Variants in FERMT2 observed in about 807,000 individuals in gnomAD.
FERMT2 encodes fermitin family homolog 2.
In FERMT2, 15 loss-of-function variants were observed where a neutral mutation model predicts 82.7. The observed-to-expected ratio is 0.18, with a 90% CI of 0.12 to 0.28. The LOEUF (loss-of-function observed/expected upper bound fraction) is 0.28, where lower values mean the gene tolerates loss of function less well. FERMT2 is among the 10% of genes least tolerant of loss of function. The pLI is 1.00. For synonymous variants in FERMT2, 274 were observed against 271.5 expected (o/e 1.01, Z -0.09); for missense variants, 645 against 809.4 (o/e 0.80, Z 2.46).
chr14:52,896,739 C>T (rs1327374011), intron 3 of FERMT2, among the ~76,000 whole-genome samples: 2 of 152,096 alleles, frequency 1.3e-5, no homozygotes, highest in Non-Finnish European at 2.9e-5. Context: ...CCTGTAATCC[C>T]AGGACTTTGG....
chr14:52,938,279 C>G (rs1889938704), intron 2 of FERMT2, among the ~76,000 whole-genome samples: 1 of 152,132 alleles, frequency 6.6e-6, no homozygotes, highest in African/African-American at 2.4e-5. Flanking sequence ...GAAAACAAAG[C>G]AATCAGAATA....
chr14:52,895,411 A>C (rs2139555922), intron 3 of FERMT2, among the ~76,000 whole-genome samples: 1 of 152,332 alleles, frequency 6.6e-6, no homozygotes, highest in Non-Finnish European at 1.5e-5. Flanking sequence ...TAAAAGCCAA[A>C]ACTGAAAATA....
At chr14:52,942,936 G>A (rs1202972787) in intron 2 of FERMT2, among the ~76,000 whole-genome samples, 1 of 152,160 alleles carries the variant, frequency 6.6e-6, no homozygotes, top group African/African-American at 2.4e-5. Flanking sequence ...CTCTTGGCCA[G>A]GCGTGGTGGC....
intron 3 of FERMT2, among the ~76,000 whole-genome samples, chr14:52,912,115 T>G (rs550189609): frequency 1.6e-4 from 25 of 152,158 alleles, no homozygotes; most frequent in African/African-American, 5.8e-4. Flanking sequence ...TTCACACATG[T>G]CAAGTACTTG....
intron 2 of FERMT2, among the ~76,000 whole-genome samples, chr14:52,921,866 T>C (rs1156385074): frequency 6.6e-6 from 1 of 152,206 alleles, no homozygotes; most frequent in Non-Finnish European, 1.5e-5. Flanking sequence ...CACTCTGGTC[T>C]CAAGCTTTCA....
intron 3 of FERMT2, among the ~76,000 whole-genome samples, chr14:52,902,414 AG>A (rs1392212016): frequency 1.7e-5 from 2 of 118,686 alleles, no homozygotes; most frequent in African/African-American, 5.6e-5. Context: ...CAAAAAAAAA[AG>A]AGAGAGAGAG....
intron 3 of FERMT2, among the ~76,000 whole-genome samples, chr14:52,914,283 C>A (rs1888492893): frequency 6.6e-6 from 1 of 150,614 alleles, no homozygotes; most frequent in African/African-American, 2.4e-5. Context: ...GGCAGGAGGA[C>A]TATTTGAGCC....
intron 3 of FERMT2, among the ~76,000 whole-genome samples, chr14:52,896,516 C>A (rs1388969960): frequency 6.6e-6 from 1 of 152,162 alleles, no homozygotes; most frequent in Admixed American, 6.5e-5. Flanking sequence ...AGATTCAAAT[C>A]CTAGTTCCAC....
At chr14:52,913,438 T>C (rs1318798120) in intron 3 of FERMT2, among the ~76,000 whole-genome samples, 1 of 152,166 alleles carries the variant, frequency 6.6e-6, no homozygotes, top group Admixed American at 6.5e-5. Flanking sequence ...ATGAGGTATT[T>C]GTTATCCTGG....
At position 52,864,583 on chromosome 14, in the gene FERMT2, C is replaced by T. The variant is rs1209384713; in HGVS notation, c.1420G>A (p.Ala474Thr). The change falls in exon 12 of 15, where the codon GCC (alanine) becomes ACC (threonine). Residue 474 changes from alanine (A) to threonine (T), a missense_variant. By Grantham distance (58) the Ala-to-Thr change is moderately conservative (BLOSUM62 0). Transcript: ENST00000341590. ...YAHWMAACRL[A>T]SKGKTMADSS... ...TCCGCCATGGTCTTGCCTTTGGAGG[C>T]TAATCTGCAGGCTGCCATCCAGTGT... The T allele has an allele frequency of 6.2e-7, 1 of 1,614,166 alleles. No homozygotes were observed. The highest frequency in any genetic ancestry group is 8.5e-7 in the Non-Finnish European group (1 of 1,180,028).
At chr14:52,943,457 T>G (rs1215500788) in intron 2 of FERMT2, among the ~76,000 whole-genome samples, 2 of 152,134 alleles carry the variant, frequency 1.3e-5, no homozygotes, top group Non-Finnish European at 2.9e-5. Flanking sequence ...TAAGAGGCCC[T>G]TTCAACTAAA....
chr14:52,891,699 A>G (rs1382900595), intron 4 of FERMT2, among the ~76,000 whole-genome samples: 1 of 152,222 alleles, frequency 6.6e-6, no homozygotes, highest in African/African-American at 2.4e-5. Flanking sequence ...AAAAAACCAG[A>G]ATGAACTAAA....
At chr14:52,927,461 GC>G (rs948889951) in intron 2 of FERMT2, among the ~76,000 whole-genome samples, 8 of 151,524 alleles carry the variant, frequency 5.3e-5, no homozygotes, top group Non-Finnish European at 2.9e-5. Context: ...TTGGATACAG[GC>G]TACTAAGACG....
At chr14:52,928,706 A>C (rs1566756384) in intron 2 of FERMT2, among the ~76,000 whole-genome samples, 1 of 152,102 alleles carries the variant, frequency 6.6e-6, no homozygotes. Context: ...CACTTCTGAG[A>C]ATCCTCCTCC....
intron 2 of FERMT2, among the ~76,000 whole-genome samples, chr14:52,930,097 A>C (rs1003109286): frequency 6.6e-6 from 1 of 152,220 alleles, no homozygotes; most frequent in Admixed American, 6.5e-5. Flanking sequence ...ATAATTTACT[A>C]ATACAAGTTG....
intron 2 of FERMT2, chr14:52,927,917 C>G (rs1489409623): frequency 3.8e-6 from 1 of 260,662 alleles, no homozygotes; most frequent in Non-Finnish European, 8.2e-6. Context: ...CAAAGACCAG[C>G]CCAATACCTC....
chr14:52,917,562 T>C (rs11624016), intron 3 of FERMT2, among the ~76,000 whole-genome samples: 2 of 151,874 alleles, frequency 1.3e-5, no homozygotes, highest in Admixed American at 6.6e-5. Context: ...TCAAGGGCAT[T>C]AGATCAAAAA....
At position 52,872,891 on chromosome 14, in the gene FERMT2, T is replaced by C. The variant is rs1268308039; in HGVS notation, c.1181A>G (p.Gln394Arg). Residue 394 changes from glutamine to arginine, a missense_variant, in exon 10 of 15, where the codon CAA (glutamine) becomes CGA (arginine). Coordinates refer to ENST00000341590, the MANE Select transcript of FERMT2 (RefSeq NM_006832.3). Reference sequence around the variant, plus strand: ...TGTGTCTTTGAAGGTGCACCAATATTGTTTGTAACCTTTCAGAGTCAGCTT... The same window carrying C: ...TGTGTCTTTGAAGGTGCACCAATATCGTTTGTAACCTTTCAGAGTCAGCTT... ...PKKLTLKGYKQYWCTFKDTSI... is the reference protein window; with the variant it reads ...PKKLTLKGYKRYWCTFKDTSI... 2.5e-6 allele frequency: 4 copies of C among 1,614,004 alleles called. No individual in the cohort carries two copies. In the Middle Eastern group the frequency reaches 6.6e-4, roughly 266 times the overall value.
chr14:52,912,608 C>T (rs1888386574), intron 3 of FERMT2, among the ~76,000 whole-genome samples: 1 of 151,518 alleles, frequency 6.6e-6, no homozygotes, highest in South Asian at 2.1e-4. Flanking sequence ...CCTCCCGGTT[C>T]AAGCGATTCT....
Sources: gnomAD v4.1 joint callset for allele counts (sites outside exome capture counted in the v4.1 genomes callset) on GRCh38, gnomAD v4.1.1 for gene constraint, MANE v1.5 for transcripts, NCBI Gene and HGNC (gene_info 2026-07-23, HGNC 2026-07-21) for gene names.